HECW1: variants seen among roughly 807,000 people sequenced by gnomAD.
HECW1 encodes HECT, C2 and WW domain containing E3 ubiquitin protein ligase 1.
In HECW1, 61 loss-of-function variants were observed where a neutral mutation model predicts 182.3. The observed-to-expected ratio is 0.33, with a 90% CI of 0.27 to 0.41. The LOEUF (loss-of-function observed/expected upper bound fraction) is 0.41, where lower values mean the gene tolerates loss of function less well. HECW1 is among the 10% of genes least tolerant of loss of function. HECW1 has a pLI of 1.00. For synonymous variants in HECW1, 859 were observed against 832.6 expected (o/e 1.03, Z -0.55); for missense variants, 1,739 against 2,108.9 (o/e 0.82, Z 3.44).
At chr7:43,456,199 G>C in intron 12 of HECW1, 98 bp from the exon 13 acceptor site, 1 of 1,259,312 alleles carries the variant, frequency 7.9e-7, no homozygotes, top group Non-Finnish European at 1.1e-6. Flanking sequence ...TGAACCAATG[G>C]TGAGTTCTAC....
intron 5 of HECW1, among the ~76,000 whole-genome samples, chr7:43,338,345 T>C (rs1665597626): frequency 6.6e-6 from 1 of 152,234 alleles, no homozygotes. Flanking sequence ...TTGCCTTCTA[T>C]ATCCCTCACC....
chr7:43,407,005 T>G (rs2075633003), intron 7 of HECW1, among the ~76,000 whole-genome samples: 1 of 151,938 alleles, frequency 6.6e-6, no homozygotes, highest in African/African-American at 2.4e-5. Context: ...TAAATGACCT[T>G]GTGCACACAC....
At chr7:43,348,517 G>C (rs1772451229) in intron 5 of HECW1, among the ~76,000 whole-genome samples, 1 of 151,082 alleles carries the variant, frequency 6.6e-6, no homozygotes, top group South Asian at 2.1e-4. Flanking sequence ...ATTTCATTTA[G>C]TTCTGCTCTG....
intron 2 of HECW1, among the ~76,000 whole-genome samples, chr7:43,123,016 G>A (rs1785798150): frequency 1.3e-5 from 2 of 152,182 alleles, no homozygotes; most frequent in South Asian, 4.1e-4. Flanking sequence ...ATGGTTAAAG[G>A]TGAAAATGTC....
intron 8 of HECW1, among the ~76,000 whole-genome samples, chr7:43,436,370 C>T (rs749225705): frequency 1.3e-5 from 2 of 152,084 alleles, no homozygotes; most frequent in Non-Finnish European, 2.9e-5. Context: ...TTAATTTTCA[C>T]GTGTGTTCAT....
At chr7:43,246,905 G>A (rs1293791855) in intron 3 of HECW1, among the ~76,000 whole-genome samples, 1 of 152,086 alleles carries the variant, frequency 6.6e-6, no homozygotes, top group Non-Finnish European at 1.5e-5. Context: ...CCCAGTGTTG[G>A]GTGGGAATGG....
chr7:43,118,231 G>GA lies in HECW1; in HGVS notation c.-32+3850dup, dbSNP rs371047353. On this transcript the variant is annotated intron_variant, in intron 2 of 29. Coordinates refer to ENST00000395891, the MANE Select transcript of HECW1 (RefSeq NM_015052.5). ...TCAGGGAAATATCATGTGTGTGAAA[G>GA]AAAAAAAAAAGATCAAAATTCACAT... The GA allele has an allele frequency of 4.5e-3, 672 of 147,942 alleles. 3 individuals are homozygous for GA. Among genetic ancestry groups the GA allele is most frequent in the African/African-American group, 0.016 (635 of 40,198 alleles). The allele number at this position is 147,942 out of a possible 1,614,324, so 9.2% of individuals were successfully genotyped here. A position where few individuals can be genotyped will look rare whatever the true frequency, so the allele number is the denominator to read the frequency against.
chr7:43,132,423 C>T (rs1166306198), intron 2 of HECW1, among the ~76,000 whole-genome samples: 3 of 152,150 alleles, frequency 2.0e-5, no homozygotes, highest in Non-Finnish European at 4.4e-5. Context: ...GAATGGATCG[C>T]CCCTAAATCT....
Position 43,444,395 on chromosome 7 carries a change from A to G in HECW1, c.1223A>G (p.Gln408Arg). 3.7e-6 allele frequency: 6 copies of G among 1,614,096 alleles called. No individual in the cohort carries two copies. The highest frequency in any genetic ancestry group is 5.1e-6 in the Non-Finnish European group (6 of 1,180,002). ...AGTGTCCCCGATGGTCCAGGGAACC[A>G]AAGCATAGAGCTTTCCAGACCAGCT... is the stretch of plus-strand genomic sequence containing the variant. ...EGSVPDGPGN[Q>R]SIELSRPAEE... is the part of the protein sequence containing the mutation. Residue 408 changes from glutamine to arginine, a missense_variant, in exon 11 of 30, where the codon CAA becomes CGA. Gln to Arg is a conservative substitution (Grantham distance 43, BLOSUM62 1). Coordinates refer to ENST00000395891, the MANE Select transcript of HECW1 (RefSeq NM_015052.5). This position sits in a 1 kb window ranked among gnomAD's most constrained non-coding sequence, Gnocchi z 4.3.
intron 3 of HECW1, among the ~76,000 whole-genome samples, chr7:43,303,563 C>T (rs1190435097): frequency 6.6e-6 from 1 of 152,100 alleles, no homozygotes; most frequent in Non-Finnish European, 1.5e-5. Context: ...ATTTTCTCCC[C>T]CTAATGTTCC....
chr7:43,121,614 T>C (rs1785632505), intron 2 of HECW1, among the ~76,000 whole-genome samples: 1 of 152,132 alleles, frequency 6.6e-6, no homozygotes, highest in Non-Finnish European at 1.5e-5. Context: ...GTATAATAAA[T>C]GATGCTATTT....
At position 43,466,512 on chromosome 7, in the gene HECW1, C is replaced by T. The variant is rs1167888400; in HGVS notation, c.2857C>T (p.Pro953Ser). Residue 953 changes from proline to serine, a missense_variant, in exon 15 of 30, where the codon CCA becomes TCA. Coordinates refer to ENST00000395891, the MANE Select transcript of HECW1 (RefSeq NM_015052.5). ...AAAAATCACCTTGCTGCTGCAGTCC[C>T]CAGCGGTCAAGTTCATCACCAACCC... The part of the protein sequence containing the change: ...SQKITLLLQS[P>S]AVKFITNPEF... 1 of 1,613,984 alleles carries T rather than the reference C, an allele frequency of 6.2e-7. No homozygotes were observed. Among genetic ancestry groups the T allele is most frequent in the Non-Finnish European group, 8.5e-7 (1 of 1,179,934 alleles).
chr7:43,336,124 T>TTCTTTCTTTCTTTCTCTCTCTC (rs1313057919), intron 5 of HECW1, among the ~76,000 whole-genome samples: 2 of 64,248 alleles, frequency 3.1e-5, no homozygotes, highest in African/African-American at 1.5e-4. Flanking sequence ...CTTTCTTTCT[T>TTCTTTCTTTCTTTCTCTCTCTC]TCTCTCTCTC....
intron 2 of HECW1, among the ~76,000 whole-genome samples, chr7:43,177,556 A>T (rs1246216566): frequency 6.6e-6 from 1 of 152,196 alleles, no homozygotes; most frequent in Non-Finnish European, 1.5e-5. Flanking sequence ...TTGTGGTTTT[A>T]AAAAAGACTG....
chr7:43,160,671 G>A (rs1277412806), intron 2 of HECW1, among the ~76,000 whole-genome samples: 1 of 151,696 alleles, frequency 6.6e-6, no homozygotes, highest in Non-Finnish European at 1.5e-5. Context: ...GTTAATTATT[G>A]TCATTTACTA....
At chr7:43,238,793 T>C (rs1042008812) in intron 2 of HECW1, among the ~76,000 whole-genome samples, 5 of 152,314 alleles carry the variant, frequency 3.3e-5, no homozygotes, top group South Asian at 2.1e-4. Context: ...GCCTTTTTTT[T>C]CCCTCTAATG....
chr7:43,125,067 C>G (rs1045724545), intron 2 of HECW1, among the ~76,000 whole-genome samples: 1 of 152,142 alleles, frequency 6.6e-6, no homozygotes, highest in Non-Finnish European at 1.5e-5. Context: ...TAAGAGCCCC[C>G]TTCTGGGTTG....
At chr7:43,408,202 G>A (rs1284350564) in intron 8 of HECW1, among the ~76,000 whole-genome samples, 2 of 152,136 alleles carry the variant, frequency 1.3e-5, no homozygotes, top group African/African-American at 2.4e-5. Flanking sequence ...ATCCCTGGTT[G>A]GGTTAAATAT....
intron 3 of HECW1, among the ~76,000 whole-genome samples, chr7:43,301,520 T>G (rs1440507710): frequency 6.6e-6 from 1 of 152,190 alleles, no homozygotes; most frequent in Non-Finnish European, 1.5e-5. Context: ...TACTCAGCAT[T>G]TAGCACAAGG....
Sources: allele counts gnomAD v4.1 joint callset (sites outside exome capture counted in the v4.1 genomes callset), GRCh38; gene constraint gnomAD v4.1.1; non-coding constraint Gnocchi (gnomAD v3.1); transcripts MANE v1.5; gene names NCBI Gene and HGNC (gene_info 2026-07-23, HGNC 2026-07-21).